The following SLC30A8 variants were observed in gnomAD, a reference collection of about 807,000 sequenced individuals.
The protein encoded by SLC30A8 is solute carrier family 30 member 8.
In SLC30A8, 27 loss-of-function variants were observed where a neutral mutation model predicts 36.9. The ratio of observed to expected loss-of-function variants is 0.73; its 90% CI spans 0.54 to 1.01. SLC30A8 has a LOEUF of 1.01. Ranked by LOEUF, SLC30A8 falls within the 50% of genes least tolerant of loss-of-function variation. SLC30A8 has a pLI of 0.00. For synonymous variants in SLC30A8, 164 were observed against 172.4 expected (o/e 0.95, Z 0.38); for missense variants, 439 against 452.0 (o/e 0.97, Z 0.26).
At chr8:117,076,139 A>AC (rs1313960955) in intron 2 of SLC30A8, among the ~76,000 whole-genome samples, 4 of 152,066 alleles carry the variant, frequency 2.6e-5, no homozygotes, top group Non-Finnish European at 5.9e-5. Context: ...AATTTTCTGT[A>AC]CCCCCTTCAG....
intron 2 of SLC30A8, among the ~76,000 whole-genome samples, chr8:117,087,427 G>A (rs1417311132): frequency 6.6e-6 from 1 of 152,144 alleles, no homozygotes; most frequent in Non-Finnish European, 1.5e-5. Flanking sequence ...CATCTGAGGT[G>A]GCTCATCATT....
chr8:117,072,538 A>G (rs1380533292), intron 2 of SLC30A8, among the ~76,000 whole-genome samples: 1 of 152,208 alleles, frequency 6.6e-6, no homozygotes, highest in East Asian at 1.9e-4. Flanking sequence ...ATACAACCAC[A>G]ATAAGATTTT....
chr8:117,130,801 A>C (rs1287817580), upstream of SLC30A8, among the ~76,000 whole-genome samples: 3 of 151,958 alleles, frequency 2.0e-5, no homozygotes, highest in Non-Finnish European at 4.4e-5. Flanking sequence ...TTTGAGGGTT[A>C]ATTAGTTCAA....
At chr8:117,069,475 A>T (rs1021984222) in intron 2 of SLC30A8, among the ~76,000 whole-genome samples, 1 of 152,214 alleles carries the variant, frequency 6.6e-6, no homozygotes, top group African/African-American at 2.4e-5. Flanking sequence ...TATGGGAAAG[A>T]ATATATCTAT....
At chr8:117,149,142 TTAAG>T (rs923857687) in intron 2 of SLC30A8, among the ~76,000 whole-genome samples, 2 of 152,226 alleles carry the variant, frequency 1.3e-5, no homozygotes, top group African/African-American at 4.8e-5. Flanking sequence ...TCTTGAAGGG[TTAAG>T]TGTTTTGTAT....
intron 1 of SLC30A8, among the ~76,000 whole-genome samples, chr8:117,038,347 G>A (rs1000876005): frequency 1.3e-5 from 2 of 151,972 alleles, no homozygotes; most frequent in African/African-American, 4.8e-5. Context: ...TAAGTTCTAT[G>A]CACTTAACAA....
intron 1 of SLC30A8, among the ~76,000 whole-genome samples, chr8:116,975,279 C>A (rs554665706): frequency 3.9e-4 from 60 of 152,248 alleles, no homozygotes; most frequent in African/African-American, 1.4e-3. Context: ...GCTACACTGC[C>A]AGCTTTAGAC....
At chr8:117,136,759 A>G (rs1228937429) in intron 1 of SLC30A8, among the ~76,000 whole-genome samples, 1 of 152,006 alleles carries the variant, frequency 6.6e-6, no homozygotes, top group Non-Finnish European at 1.5e-5. Context: ...TTACTGAAAT[A>G]ACAATATTTC....
At chr8:116,965,651 C>T (rs1241028260) in intron 1 of SLC30A8, among the ~76,000 whole-genome samples, 1 of 152,138 alleles carries the variant, frequency 6.6e-6, no homozygotes, top group Non-Finnish European at 1.5e-5. Flanking sequence ...GCTCCAGCAT[C>T]TTCTGAATTA....
At chr8:117,038,406 G>T (rs1226731833) in intron 1 of SLC30A8, among the ~76,000 whole-genome samples, 1 of 152,152 alleles carries the variant, frequency 6.6e-6, no homozygotes, top group Non-Finnish European at 1.5e-5. Flanking sequence ...GATATCTGCT[G>T]CTGTATATCT....
At chr8:117,106,663 T>C (rs1240113209) in intron 2 of SLC30A8, among the ~76,000 whole-genome samples, 1 of 152,106 alleles carries the variant, frequency 6.6e-6, no homozygotes, top group Non-Finnish European at 1.5e-5. Flanking sequence ...TTCCCTACCC[T>C]GTTCTATGTC....
At chr8:117,150,414 T>C (rs1338489613) in intron 2 of SLC30A8, among the ~76,000 whole-genome samples, 1 of 152,128 alleles carries the variant, frequency 6.6e-6, no homozygotes, top group Non-Finnish European at 1.5e-5. Context: ...GTTCCTCTGC[T>C]CTATTGCTGT....
At chr8:117,022,731 A>T (rs1423146165) in intron 1 of SLC30A8, among the ~76,000 whole-genome samples, 2 of 152,234 alleles carry the variant, frequency 1.3e-5, no homozygotes, top group East Asian at 3.8e-4. Flanking sequence ...TTAATTCAAG[A>T]TGGATCAAAG....
chr8:117,085,559 G>T (rs1818845513), intron 2 of SLC30A8, among the ~76,000 whole-genome samples: 1 of 152,130 alleles, frequency 6.6e-6, no homozygotes, highest in South Asian at 2.1e-4. Flanking sequence ...TACAGTAATG[G>T]ATACAGGGAA....
chr8:117,002,882 C>T (rs1195957463), intron 1 of SLC30A8, among the ~76,000 whole-genome samples: 13 of 152,108 alleles, frequency 8.5e-5, no homozygotes. Flanking sequence ...AGATTATAGG[C>T]GTGAGCCACT....
intron 1 of SLC30A8, among the ~76,000 whole-genome samples, chr8:116,974,750 T>C (rs199872500): frequency 6.6e-6 from 1 of 152,088 alleles, no homozygotes; most frequent in Non-Finnish European, 1.5e-5. Flanking sequence ...ATGTTTATTG[T>C]GGCACTATTC....
At position 117,032,147 on chromosome 8, in the gene SLC30A8, T is replaced by A. The variant is rs571014290; in HGVS notation, c.-265-7072T>A. On this transcript the variant is annotated intron_variant, in intron 1 of 10. Transcript: ENST00000427715. ...TTGTGATCTAGCTGAAAATCTCTTT[T>A]CCTGCCATGCTTTTTTTTTTTCAGC... 2.7e-3 allele frequency among the ~76,000 whole-genome samples: 408 copies of A among 151,500 alleles called. 2 individuals carry two copies. Among genetic ancestry groups the A allele is most frequent in the South Asian group, 0.013 (60 of 4,766 alleles).
chr8:117,050,895 A>G lies in SLC30A8; in HGVS notation c.-226+11637A>G, dbSNP rs557792597. On this transcript the variant is annotated intron_variant, in intron 2 of 10. Transcript: ENST00000427715. ...CAGGTTCTGGTCAACCCCTGCAGGC[A>G]GGTTGTGGCATGCCCTTGAATGAGC... Among the ~76,000 whole-genome samples, 6 of 152,342 alleles carry G rather than the reference A, an allele frequency of 3.9e-5. No individual in the cohort carries two copies. The South Asian group carries it at 1.2e-3, about 32-fold the overall frequency.
intron 2 of SLC30A8, among the ~76,000 whole-genome samples, chr8:117,111,729 G>A (rs114854967): frequency 0.018 from 2,783 of 152,162 alleles, 88 homozygotes; most frequent in African/African-American, 0.063. Flanking sequence ...TGCCCCAAAG[G>A]GAGCATCTTT....
Sources: allele counts gnomAD v4.1 joint callset (sites outside exome capture counted in the v4.1 genomes callset), GRCh38; gene constraint gnomAD v4.1.1; transcripts MANE v1.5; gene names NCBI Gene and HGNC (gene_info 2026-07-23, HGNC 2026-07-21).